VGLL4: variants seen among roughly 807,000 people sequenced by gnomAD.
VGLL4 encodes transcription cofactor vestigial-like protein 4.
A neutral mutation model predicts 21.0 loss-of-function variants in VGLL4; 7 were observed. The ratio of observed to expected loss-of-function variants is 0.33; its 90% CI spans 0.19 to 0.63. The LOEUF is 0.63. Among genes scored for constraint, VGLL4 ranks in the 20% least tolerant of loss-of-function variants. The probability of loss-of-function intolerance (pLI) is 0.78; values close to 1 mark genes in which losing one functional copy is unlikely to be tolerated. For synonymous variants in VGLL4, 222 were observed against 173.2 expected (o/e 1.28, Z -2.21); for missense variants, 394 against 425.7 (o/e 0.93, Z 0.66).
chr3:11,617,426 A>G (rs2075182960), intron 1 of VGLL4, among the ~76,000 whole-genome samples: 1 of 152,218 alleles, frequency 6.6e-6, no homozygotes, highest in South Asian at 2.1e-4. Context: ...GCACTGACAC[A>G]GCTACAGGGA....
intron 3 of VGLL4, among the ~76,000 whole-genome samples, chr3:11,561,801 TGACTGTCCTCA>T (rs1179611873): frequency 6.6e-6 from 1 of 151,456 alleles, no homozygotes; most frequent in Non-Finnish European, 1.5e-5. Context: ...CACCCACCTG[TGACTGTCCTCA>T]GACAGAGGCT....
rs183698765 is a variant in VGLL4, at chr3:11,670,930, G to A, written c.64+32041C>T. ...CGCATGCCTGTAATTGCAGCTACTC[G>A]GGAGGCTGAGGCAGAAGAATTGCTT... On this transcript the variant is annotated intron_variant, in intron 2 of 5. Transcript: ENST00000273038. Among the ~76,000 whole-genome samples, 1,113 of 139,602 alleles carry A rather than the reference G, an allele frequency of 8.0e-3. 13 individuals are homozygous for A. Among genetic ancestry groups the A allele is most frequent in the African/African-American group, 0.029 (1,064 of 36,200 alleles). The allele number at this position is 139,602 out of a possible 152,430, so 91.6% of individuals were successfully genotyped here. A position where few individuals can be genotyped will look rare whatever the true frequency, so the allele number is the denominator to read the frequency against.
chr3:11,682,587 A>G (rs1182994625), intron 2 of VGLL4, among the ~76,000 whole-genome samples: 1 of 152,056 alleles, frequency 6.6e-6, no homozygotes, highest in Non-Finnish European at 1.5e-5. Context: ...GATGAAGAAT[A>G]TAACTTTCTC....
intron 2 of VGLL4, among the ~76,000 whole-genome samples, chr3:11,571,830 G>A (rs529514034): frequency 6.6e-6 from 1 of 152,276 alleles, no homozygotes; most frequent in African/African-American, 2.4e-5. Context: ...CTATTGGCCG[G>A]GCACAGTGGC....
intron 1 of VGLL4, among the ~76,000 whole-genome samples, chr3:11,630,010 T>C (rs6767949): frequency 0.052 from 7,875 of 152,272 alleles, 277 homozygotes; most frequent in African/African-American, 0.097. Context: ...TGTGCCACGT[T>C]GGTGTTTTTT....
intron 1 of VGLL4, among the ~76,000 whole-genome samples, chr3:11,623,887 C>A (rs2075308495): frequency 6.6e-6 from 1 of 151,610 alleles, no homozygotes; most frequent in Non-Finnish European, 1.5e-5. Flanking sequence ...ACTACAAGTG[C>A]CCTCCACCAC....
At position 11,568,469 on chromosome 3, in the gene VGLL4, C is replaced by G; in HGVS notation, c.273-3450G>C. 1 of 1,252,440 alleles carries G rather than the reference C, an allele frequency of 8.0e-7. No individual in the cohort carries two copies. Among genetic ancestry groups the G allele is most frequent in the Non-Finnish European group, 1.1e-6 (1 of 888,080 alleles). 77.6% of individuals were successfully genotyped at this position (1,252,440 alleles called of 1,614,324 possible). On this transcript the variant is annotated intron_variant, in intron 2 of 4. Coordinates refer to ENST00000430365, the MANE Select transcript of VGLL4 (RefSeq NM_001128219.3). This position sits in a 1 kb window ranked among gnomAD's most constrained non-coding sequence, Gnocchi z 5.9. ...AGGGCAGCAGGGAGAAGGGGACTTCCAGGCCCACTAACTGGAAAGACAGTC... is the reference window on the plus strand; with the variant it reads ...AGGGCAGCAGGGAGAAGGGGACTTCGAGGCCCACTAACTGGAAAGACAGTC...
intron 2 of VGLL4, among the ~76,000 whole-genome samples, chr3:11,676,279 C>T (rs1253030964): frequency 3.3e-5 from 5 of 151,306 alleles, no homozygotes; most frequent in South Asian, 4.2e-4. Flanking sequence ...CCCAGCTACT[C>T]GGGAGGCTGA....
At chr3:11,573,233 AGAAAAGAAATAG>A (rs1559869011) in intron 2 of VGLL4, among the ~76,000 whole-genome samples, 5 of 132,230 alleles carry the variant, frequency 3.8e-5, no homozygotes, top group African/African-American at 1.4e-4. Flanking sequence ...ACAGACAGAA[AGAAAAGAAATAG>A]AGAAAGAAAG....
chr3:11,634,733 G>A (rs1447376998), intron 1 of VGLL4, among the ~76,000 whole-genome samples: 3 of 151,896 alleles, frequency 2.0e-5, no homozygotes, highest in Non-Finnish European at 2.9e-5. Context: ...GCCAGAGTGC[G>A]GTGGGATGAT....
In VGLL4 at chr3:11,556,950, G is replaced by C. The variant is rs1003350761; in HGVS notation, c.*1606C>G. 1.3e-5 allele frequency: 2 copies of C among 152,646 alleles called. No homozygotes were observed. Among genetic ancestry groups the C allele is most frequent in the African/African-American group, 4.8e-5 (2 of 41,428 alleles). 9.5% of individuals were successfully genotyped at this position (152,646 alleles called of 1,614,324 possible). Reference sequence around the variant, plus strand: ...CTGTGACTACAAGAGCCAGTCCTCCGACCTTTTCACCCAGTGCCAATTTCC... The same window carrying C: ...CTGTGACTACAAGAGCCAGTCCTCCCACCTTTTCACCCAGTGCCAATTTCC... On this transcript the variant is annotated 3_prime_UTR_variant, in exon 5 of 5. Transcript: ENST00000430365.
chr3:11,623,212 T>C (rs1343339511), intron 1 of VGLL4, among the ~76,000 whole-genome samples: 2 of 152,124 alleles, frequency 1.3e-5, no homozygotes, highest in African/African-American at 4.8e-5. Context: ...GTCGACTGGC[T>C]GGAAGGAACA....
chr3:11,634,336 C>A (rs6769094), intron 1 of VGLL4, among the ~76,000 whole-genome samples: 1 of 151,756 alleles, frequency 6.6e-6, no homozygotes, highest in South Asian at 2.1e-4. Context: ...CTCCCTCATC[C>A]GCTGTTCAAT....
intron 2 of VGLL4, among the ~76,000 whole-genome samples, chr3:11,601,551 T>C (rs1448928839): frequency 5.9e-5 from 9 of 152,222 alleles, no homozygotes; most frequent in African/African-American, 2.2e-4. Context: ...ACTACTCGAC[T>C]GCTCGCAGAA....
At chr3:11,659,871 T>C (rs60150217) in intron 2 of VGLL4, among the ~76,000 whole-genome samples, 3,167 of 152,222 alleles carry the variant, frequency 0.021, 85 homozygotes, top group East Asian at 0.053. Context: ...TATTTAAAAT[T>C]TCCCATCTTG....
intron 1 of VGLL4, chr3:11,626,613 A>G: frequency 3.4e-6 from 1 of 294,960 alleles, no homozygotes. Flanking sequence ...CACCTCTTCA[A>G]TGAGAATGGG....
intron 1 of VGLL4, among the ~76,000 whole-genome samples, chr3:11,709,745 G>A (rs1313086815): frequency 1.3e-5 from 2 of 152,026 alleles, no homozygotes; most frequent in African/African-American, 4.8e-5. Flanking sequence ...AAAACTTAGG[G>A]GCACTCAGTG....
At position 11,598,776 on chromosome 3, in the gene VGLL4, G is replaced by C. The variant is rs149855089; in HGVS notation, c.272+3057C>G. Among the ~76,000 whole-genome samples the C allele has an allele frequency of 5.7e-4, 87 of 152,302 alleles. 4 individuals carry two copies. The highest frequency in any genetic ancestry group is 2.0e-3 in the African/African-American group (85 of 41,552). ...TAAAGTGCTGGAATTACAGGCATGA[G>C]CTAGCACACCCAGCCAAAACTCTTT... On this transcript the variant is annotated intron_variant, in intron 2 of 4. Transcript: ENST00000430365.
At chr3:11,670,992 G>A (rs188855141) in intron 2 of VGLL4, among the ~76,000 whole-genome samples, 13 of 152,278 alleles carry the variant, frequency 8.5e-5, no homozygotes, top group East Asian at 1.9e-4. Context: ...AGCTGAGATC[G>A]TGCCATTGCA....
Sources: gnomAD v4.1 joint callset for allele counts (sites outside exome capture counted in the v4.1 genomes callset) on GRCh38, gnomAD v4.1.1 for gene constraint, Gnocchi (gnomAD v3.1) non-coding constraint, MANE v1.5 for transcripts, NCBI Gene and HGNC (gene_info 2026-07-23, HGNC 2026-07-21) for gene names.